Variants in RPL28 observed in about 807,000 individuals in gnomAD.
RPL28 encodes large ribosomal subunit protein eL28.
A neutral mutation model predicts 12.5 loss-of-function variants in RPL28; 4 were observed. That is an observed-to-expected ratio of 0.32 (90% CI 0.16 to 0.73). The LOEUF (loss-of-function observed/expected upper bound fraction) is 0.73, where lower values mean the gene tolerates loss of function less well. Among genes scored for constraint, RPL28 ranks in the 30% least tolerant of loss-of-function variants. The pLI is 0.66. For synonymous variants in RPL28, 91 were observed against 72.5 expected (o/e 1.26, Z -1.30); for missense variants, 214 against 197.7 (o/e 1.08, Z -0.49).
rs2089989240 is a variant in RPL28 at position 55,391,487 on chromosome 19, G to A, written c.*3155G>A. ...AGGCTGCCAAGCCCAAAGTTGTGCA[G>A]AGCGCTGGGGACTCCAGACTCCCCA... On this transcript the variant is annotated 3_prime_UTR_variant, in exon 5 of 5. Transcript: ENST00000344063. The A allele has an allele frequency of 7.2e-7, 1 of 1,395,964 alleles. No individual in the cohort carries two copies. The highest frequency in any genetic ancestry group is 9.4e-7 in the Non-Finnish European group (1 of 1,062,744). 86.5% of individuals were successfully genotyped at this position (1,395,964 alleles called of 1,614,324 possible).
intron 3 of RPL28, 102 bp downstream of exon 3, chr19:55,386,795 C>G (rs763414628): frequency 1.2e-6 from 2 of 1,609,344 alleles, no homozygotes; most frequent in Non-Finnish European, 1.7e-6. Context: ...GCCATCGCGG[C>G]GGGCATCCCT....
chr19:55,393,076 G>T (rs2090001259), downstream of RPL28, among the ~76,000 whole-genome samples: 9 of 151,794 alleles, frequency 5.9e-5, no homozygotes, highest in South Asian at 1.7e-3. Flanking sequence ...CCTCCCCCAG[G>T]CCCAGCCATC....
At chr19:55,386,877 C>T in intron 3 of RPL28, 184 bp downstream of exon 3, 2 of 1,543,720 alleles carry the variant, frequency 1.3e-6, no homozygotes, top group Non-Finnish European at 8.7e-7. Flanking sequence ...CCGCGCGCGT[C>T]TGAGCCCGTG....
At chr19:55,401,999 T>C (rs1158812339) in intron 4 of RPL28, among the ~76,000 whole-genome samples, 2 of 152,196 alleles carry the variant, frequency 1.3e-5, no homozygotes, top group African/African-American at 4.8e-5. Flanking sequence ...ATAGGCCCAA[T>C]GGTTTAAAAT....
downstream of RPL28, among the ~76,000 whole-genome samples, chr19:55,396,786 T>C (rs868143770): frequency 2.8e-4 from 42 of 150,318 alleles, 1 homozygote; most frequent in African/African-American, 1.0e-3. Context: ...TTCACCGTGT[T>C]AGCCAGGATG....
At chr19:55,386,547 G>C in intron 2 of RPL28, 23 bp from the exon 3 acceptor site, 1 of 1,601,182 alleles carries the variant, frequency 6.2e-7, no homozygotes, top group Non-Finnish European at 8.6e-7. Flanking sequence ...TATTCACGAT[G>C]CCTTGTGCCG....
chr19:55,399,190 A>G (rs752657864), intron 4 of RPL28, among the ~76,000 whole-genome samples: 1 of 151,790 alleles, frequency 6.6e-6, no homozygotes, highest in Admixed American at 6.6e-5. Flanking sequence ...TCTTTGAGAC[A>G]GAGTCTCGCT....
In RPL28 at chr19:55,388,510, G is replaced by A. The variant is rs550708220; in HGVS notation, c.*178G>A. 8.2e-4 allele frequency: 1,065 copies of A among 1,303,934 alleles called. 7 individuals carry two copies. In the African/African-American group the frequency reaches 0.013, roughly 17 times the overall value. The allele number at this position is 1,303,934 out of a possible 1,614,324, so 80.8% of individuals were successfully genotyped here. ...GTGATGTCAATGGCTGGCCATGCAGGAGGGGTGGGGTAGCTGCCTTGTCCC... is the reference window on the plus strand; with the variant it reads ...GTGATGTCAATGGCTGGCCATGCAGAAGGGGTGGGGTAGCTGCCTTGTCCC... On this transcript the variant is annotated 3_prime_UTR_variant, in exon 5 of 5. Transcript: ENST00000344063.
downstream of RPL28, among the ~76,000 whole-genome samples, chr19:55,395,777 A>G (rs533228083): frequency 6.6e-6 from 1 of 152,276 alleles, no homozygotes; most frequent in Admixed American, 6.5e-5. Context: ...AATTTCTATA[A>G]TGAAATGGCT....
At chr19:55,399,377 G>C (rs2090041645) in intron 4 of RPL28, among the ~76,000 whole-genome samples, 1 of 152,168 alleles carries the variant, frequency 6.6e-6, no homozygotes, top group Non-Finnish European at 1.5e-5. Flanking sequence ...ATGTTGGCCA[G>C]GCTGGTCTTG....
downstream of RPL28, among the ~76,000 whole-genome samples, chr19:55,395,216 A>G (rs1404900263): frequency 6.6e-6 from 1 of 151,932 alleles, no homozygotes; most frequent in Non-Finnish European, 1.5e-5. Flanking sequence ...GGCTCACTAC[A>G]ACCTCTACCA....
chr19:55,401,123 G>A (rs2090054160), intron 4 of RPL28: 1 of 439,908 alleles, frequency 2.3e-6, no homozygotes, highest in East Asian at 4.3e-5. Flanking sequence ...GAACAAAGAG[G>A]TGGACCCAAA....
intron 4 of RPL28, chr19:55,401,767 G>A (rs1257648063): frequency 1.9e-6 from 3 of 1,613,054 alleles, no homozygotes; most frequent in South Asian, 1.1e-5. Context: ...GATGGTCTGT[G>A]GGAAGAGGCT....
At chr19:55,394,037 C>T (rs1031072646), downstream of RPL28, among the ~76,000 whole-genome samples, 1 of 151,810 alleles carries the variant, frequency 6.6e-6, no homozygotes, top group Non-Finnish European at 1.5e-5. Flanking sequence ...CCCAGGCAGG[C>T]GGATCACAAG....
At chr19:55,402,067 C>T (rs1318121467) in intron 4 of RPL28, among the ~76,000 whole-genome samples, 1 of 152,208 alleles carries the variant, frequency 6.6e-6, no homozygotes, top group Non-Finnish European at 1.5e-5. Context: ...GGCCCCCTCT[C>T]AGGAGTCCAT....
Position 55,388,974 on chromosome 19 carries a change from C to T in RPL28, c.*642C>T. On this transcript the variant is annotated 3_prime_UTR_variant, in exon 5 of 5. Transcript: ENST00000344063. ...CTTAGCATTGTCCCCCTACTCCCGT[C>T]CTCCAGGTGTCCCCATCCCTCCCCT... is the stretch of plus-strand genomic sequence containing the variant. 7 of 985,514 alleles carry T rather than the reference C, an allele frequency of 7.1e-6. No homozygotes were observed. The South Asian group carries it at 1.9e-4, about 26-fold the overall frequency. The allele number at this position is 985,514 out of a possible 1,614,324, so 61.0% of individuals were successfully genotyped here.
chr19:55,389,391 T>TA lies in RPL28; in HGVS notation c.*1059_*1060insA, dbSNP rs1186458430. 4 of 985,172 alleles carry TA rather than the reference T, an allele frequency of 4.1e-6. No homozygotes were observed. In the African/African-American group the frequency reaches 5.2e-5, roughly 13 times the overall value. The allele number at this position is 985,172 out of a possible 1,614,324, so 61.0% of individuals were successfully genotyped here. ...GATGGGGAAAGAGTCCTGCTGTTGA[T>TA]CCTCACATGTTTCCTGGGCACCTAA... is the stretch of plus-strand genomic sequence containing the variant. On this transcript the variant is annotated 3_prime_UTR_variant, in exon 5 of 5. Transcript: ENST00000344063.
At position 55,389,431 on chromosome 19, in the gene RPL28, G is replaced by A; in HGVS notation, c.*1099G>A. The A allele has an allele frequency of 1.0e-6, 1 of 985,442 alleles. No individual in the cohort carries two copies. Among genetic ancestry groups the A allele is most frequent in the Non-Finnish European group, 1.2e-6 (1 of 829,958 alleles). 61.0% of individuals were successfully genotyped at this position (985,442 alleles called of 1,614,324 possible). On this transcript the variant is annotated 3_prime_UTR_variant, in exon 5 of 5. Coordinates refer to ENST00000344063, the MANE Select transcript of RPL28 (RefSeq NM_000991.5). ...TGGGCACCTAACTCTGTCAGCCACT[G>A]CCAGGGACCAAGGATCCAGCATCCA...
In RPL28 at chr19:55,388,840, G is replaced by A; in HGVS notation, c.*508G>A. Reference sequence around the variant, plus strand: ...GTGCAGCCACATTTGGAGGGGATGGGCTTTACTTGATGCAACCTCATCTCT... The same window carrying A: ...GTGCAGCCACATTTGGAGGGGATGGACTTTACTTGATGCAACCTCATCTCT... On this transcript the variant is annotated 3_prime_UTR_variant, in exon 5 of 5. Coordinates refer to ENST00000344063, the MANE Select transcript of RPL28 (RefSeq NM_000991.5). 1 of 987,092 alleles carries A rather than the reference G, an allele frequency of 1.0e-6. No individual in the cohort carries two copies. Among genetic ancestry groups the A allele is most frequent in the Non-Finnish European group, 1.2e-6 (1 of 831,116 alleles). 61.1% of individuals were successfully genotyped at this position (987,092 alleles called of 1,614,324 possible).
Sources: allele counts gnomAD v4.1 joint callset (sites outside exome capture counted in the v4.1 genomes callset), GRCh38; gene constraint gnomAD v4.1.1; transcripts MANE v1.5; gene names NCBI Gene and HGNC (gene_info 2026-07-23, HGNC 2026-07-21).